The following CBLB variants were observed in gnomAD, a reference collection of about 807,000 sequenced individuals.
CBLB encodes Cbl proto-oncogene B, also known as E3 ubiquitin-protein ligase CBL-B.
CBLB carries 31 observed loss-of-function variants against 104.9 expected under a neutral mutation model. That is an observed-to-expected ratio of 0.30 (90% CI 0.22 to 0.40). The LOEUF is 0.40. Ranked by LOEUF, CBLB falls within the 10% of genes least tolerant of loss-of-function variation. The pLI, the probability that CBLB is intolerant of heterozygous loss-of-function variation, is 1.00. For missense variants in CBLB, 1,062 were observed against 1,214.6 expected, an observed-to-expected ratio of 0.87 and a Z score of 1.87; for synonymous variants, 440 against 422.6, an observed-to-expected ratio of 1.04 and a Z score of -0.51.
At chr3:105,756,827 T>C (rs2152922301) in intron 4 of CBLB, among the ~76,000 whole-genome samples, 1 of 152,308 alleles carries the variant, frequency 6.6e-6, no homozygotes, top group South Asian at 2.1e-4. Flanking sequence ...CCAAACCTCA[T>C]ATTGAACTGT....
At chr3:105,661,190 A>G (rs2063758498) in intron 18 of CBLB, among the ~76,000 whole-genome samples, 1 of 152,196 alleles carries the variant, frequency 6.6e-6, no homozygotes, top group Non-Finnish European at 1.5e-5. Flanking sequence ...AATGTATATT[A>G]AAGTATGCCC....
chr3:105,839,887 A>C (rs2089274290), intron 3 of CBLB, among the ~76,000 whole-genome samples: 1 of 152,268 alleles, frequency 6.6e-6, no homozygotes, highest in Admixed American at 6.5e-5. Flanking sequence ...AACAAACTAA[A>C]ATTAGTATTA....
intron 3 of CBLB, among the ~76,000 whole-genome samples, chr3:105,841,745 G>A (rs1326059517): frequency 3.3e-5 from 5 of 151,996 alleles, no homozygotes; most frequent in South Asian, 2.1e-4. Flanking sequence ...GAGCCACCAC[G>A]CCCAGCCCAG....
intron 3 of CBLB, among the ~76,000 whole-genome samples, chr3:105,815,985 T>C (rs1350683006): frequency 6.6e-6 from 1 of 152,056 alleles, no homozygotes; most frequent in African/African-American, 2.4e-5. Context: ...TTCTCGCTCA[T>C]AAGTGGGAGT....
intron 2 of CBLB, among the ~76,000 whole-genome samples, chr3:105,858,159 T>A (rs2091789318): frequency 6.6e-6 from 1 of 152,220 alleles, no homozygotes; most frequent in African/African-American, 2.4e-5. Context: ...TTTCTAAATT[T>A]GCACTTGGGA....
intron 10 of CBLB, among the ~76,000 whole-genome samples, chr3:105,712,150 C>A (rs1169190534): frequency 2.6e-5 from 4 of 152,092 alleles, no homozygotes; most frequent in African/African-American, 9.7e-5. Flanking sequence ...GATCTCCTGG[C>A]CTATGATCAG....
rs562368070 is a variant in CBLB, at chr3:105,694,928, T to C, written c.1960-1340A>G. Reference sequence around the variant, plus strand: ...GTGCCAGAAAGAAGAAATTTCCTAATAGATATTAATCATTTTGAAGTTTAA... The same window carrying C: ...GTGCCAGAAAGAAGAAATTTCCTAACAGATATTAATCATTTTGAAGTTTAA... On this transcript the variant is annotated intron_variant, in intron 12 of 18. Coordinates refer to ENST00000394030, the MANE Select transcript of CBLB (RefSeq NM_170662.5). Among the ~76,000 whole-genome samples, 12 of 151,936 alleles carry C rather than the reference T, an allele frequency of 7.9e-5. No homozygotes were observed. In the South Asian group the frequency reaches 2.1e-3, roughly 26 times the overall value.
intron 3 of CBLB, among the ~76,000 whole-genome samples, chr3:105,818,471 T>C (rs895856386): frequency 3.9e-5 from 6 of 152,106 alleles, no homozygotes; most frequent in Non-Finnish European, 8.8e-5. Flanking sequence ...AATTTAAAAA[T>C]AAGGCACAAT....
Position 105,853,944 on chromosome 3 carries a change from A to G in CBLB, c.169-280T>C, listed in dbSNP as rs151122941. Among the ~76,000 whole-genome samples the G allele has an allele frequency of 1.7e-3, 258 of 152,308 alleles. 1 individual carries two copies. Among genetic ancestry groups the G allele is most frequent in the African/African-American group, 6.0e-3 (250 of 41,580 alleles). The stretch of plus-strand genomic sequence containing the variant: ...ATTGTGCATAGCTTAAAAGAACTCC[A>G]GTATGCTAATCACTGTATATCACTG... On this transcript the variant is annotated intron_variant, in intron 2 of 18. Coordinates refer to ENST00000394030, the MANE Select transcript of CBLB (RefSeq NM_170662.5).
At chr3:105,766,670 T>C (rs1238570214) in intron 4 of CBLB, among the ~76,000 whole-genome samples, 1 of 152,146 alleles carries the variant, frequency 6.6e-6, no homozygotes, top group African/African-American at 2.4e-5. Context: ...TTTTTAGACA[T>C]AATGCTACTG....
intron 4 of CBLB, among the ~76,000 whole-genome samples, chr3:105,771,336 AC>A (rs2078852182): frequency 6.6e-6 from 1 of 152,134 alleles, no homozygotes; most frequent in Non-Finnish European, 1.5e-5. Flanking sequence ...AACATACAGC[AC>A]CCCTTTATAA....
At chr3:105,804,227 A>T (rs1157823006) in intron 3 of CBLB, among the ~76,000 whole-genome samples, 6 of 152,252 alleles carry the variant, frequency 3.9e-5, no homozygotes, top group Non-Finnish European at 7.4e-5. Context: ...CAAATAGTTT[A>T]AAAAAATGTA....
chr3:105,662,145 T>C (rs2063847293), intron 18 of CBLB, among the ~76,000 whole-genome samples: 1 of 152,170 alleles, frequency 6.6e-6, no homozygotes, highest in Admixed American at 6.5e-5. Flanking sequence ...TTAGAGCAAA[T>C]TGCTTAGAAC....
intron 17 of CBLB, 75 bp downstream of exon 17, chr3:105,678,356 A>C (rs1689707872): frequency 7.1e-7 from 1 of 1,410,060 alleles, no homozygotes; most frequent in African/African-American, 1.4e-5. Context: ...TGAATCACTA[A>C]CATTTATTTG....
intron 3 of CBLB, among the ~76,000 whole-genome samples, chr3:105,785,108 C>T (rs548354413): frequency 1.3e-5 from 2 of 152,318 alleles, no homozygotes; most frequent in African/African-American, 4.8e-5. Flanking sequence ...TATTGTGTTT[C>T]AGCTCTATCA....
chr3:105,794,150 TCATCA>T (rs1577250369), intron 3 of CBLB, among the ~76,000 whole-genome samples: 1 of 152,192 alleles, frequency 6.6e-6, no homozygotes, highest in East Asian at 1.9e-4. Context: ...AAATTCCCGG[TCATCA>T]AATTACTTAA....
chr3:105,686,086 G>C (rs778542527), intron 13 of CBLB, among the ~76,000 whole-genome samples: 1 of 152,092 alleles, frequency 6.6e-6, no homozygotes, highest in Non-Finnish European at 1.5e-5. Context: ...AGTCTTTGAA[G>C]TACATTATTT....
intron 18 of CBLB, among the ~76,000 whole-genome samples, chr3:105,666,743 A>T (rs1015888863): frequency 6.6e-6 from 1 of 152,142 alleles, no homozygotes; most frequent in African/African-American, 2.4e-5. Context: ...AATTACAAAT[A>T]AAAAAATCTT....
At chr3:105,859,522 G>A (rs1200829151) in intron 2 of CBLB, among the ~76,000 whole-genome samples, 2 of 152,018 alleles carry the variant, frequency 1.3e-5, no homozygotes, top group African/African-American at 4.8e-5. Flanking sequence ...GGGTGTGGTG[G>A]CAGGCGCCTG....
Sources: allele counts gnomAD v4.1 joint callset (sites outside exome capture counted in the v4.1 genomes callset), GRCh38; gene constraint gnomAD v4.1.1; transcripts MANE v1.5; gene names NCBI Gene and HGNC (gene_info 2026-07-23, HGNC 2026-07-21).